KAT6B: variants seen among roughly 807,000 people sequenced by gnomAD.
KAT6B encodes the protein histone acetyltransferase KAT6B.
In KAT6B, 10 loss-of-function variants were observed where a neutral mutation model predicts 187.5. The observed-to-expected ratio is 0.05, with a 90% CI of 0.03 to 0.09. The LOEUF (loss-of-function observed/expected upper bound fraction) is 0.09. Ranked by LOEUF, KAT6B falls within the 10% of genes least tolerant of loss-of-function variation. KAT6B has a pLI of 1.00. For synonymous variants in KAT6B, 861 were observed against 926.8 expected (o/e 0.93, Z 1.29); for missense variants, 1,952 against 2,558.9 (o/e 0.76, Z 5.12).
chr10:74,926,288 T>C (rs1848498942), intron 3 of KAT6B, among the ~76,000 whole-genome samples: 1 of 152,186 alleles, frequency 6.6e-6, no homozygotes, highest in Non-Finnish European at 1.5e-5. Context: ...ACCCCGTCTC[T>C]ACTAAAAATA....
At chr10:74,880,655 G>A (rs567793152) in intron 3 of KAT6B, among the ~76,000 whole-genome samples, 3 of 152,050 alleles carry the variant, frequency 2.0e-5, no homozygotes, top group East Asian at 1.9e-4. Context: ...TTGGTCTGTC[G>A]CCTGGGCTGA....
At chr10:74,829,456 G>GTTT (rs370039190) in intron 1 of KAT6B, among the ~76,000 whole-genome samples, 3 of 140,052 alleles carry the variant, frequency 2.1e-5, no homozygotes, top group Admixed American at 7.1e-5. Context: ...AAAGGAAATA[G>GTTT]TTTTTTTTTT....
chr10:74,943,882 A>C (rs1168750649), intron 3 of KAT6B, among the ~76,000 whole-genome samples: 1 of 152,230 alleles, frequency 6.6e-6, no homozygotes, highest in Admixed American at 6.5e-5. Context: ...CAACACTTAT[A>C]TCTTATGTGT....
At chr10:74,828,905 G>T (rs1424910034) in intron 1 of KAT6B, among the ~76,000 whole-genome samples, 1 of 151,808 alleles carries the variant, frequency 6.6e-6, no homozygotes, top group Admixed American at 6.6e-5. Flanking sequence ...AATGAATTTG[G>T]ACAGTATTTT....
At chr10:74,909,029 C>T (rs1470503378) in intron 3 of KAT6B, among the ~76,000 whole-genome samples, 3 of 152,128 alleles carry the variant, frequency 2.0e-5, no homozygotes, top group Non-Finnish European at 2.9e-5. Flanking sequence ...CCACTGGGGA[C>T]ATGAGAAATC....
intron 3 of KAT6B, among the ~76,000 whole-genome samples, chr10:74,951,101 CCTT>C (rs1156408827): frequency 2.0e-5 from 3 of 151,524 alleles, no homozygotes; most frequent in Non-Finnish European, 4.4e-5. Flanking sequence ...TACTTGGCTT[CCTT>C]CTTTTTCTTT....
At chr10:74,951,819 A>G (rs1840340268) in intron 3 of KAT6B, among the ~76,000 whole-genome samples, 2 of 152,242 alleles carry the variant, frequency 1.3e-5, no homozygotes, top group South Asian at 4.1e-4. Context: ...GAGGATATAC[A>G]TGAAAATAAA....
In KAT6B at chr10:74,999,302, G is replaced by A. The variant is rs575454309; in HGVS notation, c.2629+10190G>A. On this transcript the variant is annotated intron_variant, in intron 13 of 17. Transcript: ENST00000287239. ...CAGCTTTATGTAGCTTTCACTGTGC[G>A]TTTGGATGTCTACGTGCACTTTGCA... 3.9e-4 allele frequency among the ~76,000 whole-genome samples: 60 copies of A among 152,344 alleles called. 2 individuals carry two copies. In the East Asian group the frequency reaches 7.5e-3, roughly 19 times the overall value.
chr10:74,988,629 A>G (rs1292978262), intron 12 of KAT6B, among the ~76,000 whole-genome samples: 1 of 152,224 alleles, frequency 6.6e-6, no homozygotes, highest in Non-Finnish European at 1.5e-5. Context: ...ATATTTAGCA[A>G]GATAGCCAGC....
intron 3 of KAT6B, among the ~76,000 whole-genome samples, chr10:74,856,261 A>C (rs1198863031): frequency 6.6e-6 from 1 of 151,836 alleles, no homozygotes; most frequent in African/African-American, 2.4e-5. Context: ...AACTTTTTTT[A>C]TTTTTAGTAG....
At chr10:74,965,829 C>G (rs1484001823) in intron 4 of KAT6B, among the ~76,000 whole-genome samples, 5 of 151,628 alleles carry the variant, frequency 3.3e-5, no homozygotes. Context: ...GGGTTCACGC[C>G]ATTCTTCCAC....
intron 1 of KAT6B, among the ~76,000 whole-genome samples, chr10:74,831,333 T>G (rs181883056): frequency 2.5e-4 from 38 of 152,304 alleles, no homozygotes; most frequent in African/African-American, 9.1e-4. Context: ...GAGTCAAATT[T>G]ATTGGTCTTT....
At position 75,021,909 on chromosome 10, in the gene KAT6B, G is replaced by A. The variant is rs761831492; in HGVS notation, c.3050G>A (p.Cys1017Tyr). 1.2e-6 allele frequency: 2 copies of A among 1,614,094 alleles called. No individual in the cohort carries two copies. Among genetic ancestry groups the A allele is most frequent in the East Asian group, 2.2e-5 (1 of 44,904 alleles). The change falls in exon 16 of 18, where the codon TGC (cysteine) becomes TAC (tyrosine). Residue 1017 changes from cysteine to tyrosine, a missense_variant. Around this residue, in one of 9 missense-constraint regions of KAT6B, gnomAD observed 758 missense variants for 891.4 expected, o/e 0.85. Coordinates refer to ENST00000287239, the MANE Select transcript of KAT6B (RefSeq NM_012330.4). ...GAGCGGCTAATGGAACAAGCTAGCT[G>A]CTGGGAGAAGGAGGAACAAGAAATC... ...EAERLMEQAS[C>Y]WEKEEQEILS...
intron 3 of KAT6B, among the ~76,000 whole-genome samples, chr10:74,957,001 T>C (rs1840735112): frequency 6.6e-6 from 1 of 152,218 alleles, no homozygotes; most frequent in Admixed American, 6.5e-5. Flanking sequence ...TCAGACATCT[T>C]AAATATAACT....
chr10:74,931,981 G>A (rs1848915269), intron 3 of KAT6B, among the ~76,000 whole-genome samples: 1 of 152,208 alleles, frequency 6.6e-6, no homozygotes, highest in South Asian at 2.1e-4. Context: ...CAAAGTGCTG[G>A]GATTACAGGC....
chr10:75,007,318 C>G (rs1036917829), intron 13 of KAT6B, among the ~76,000 whole-genome samples: 5 of 152,006 alleles, frequency 3.3e-5, no homozygotes, highest in African/African-American at 9.7e-5. Flanking sequence ...GAGGAGCATA[C>G]TGAGCTGCAG....
intron 13 of KAT6B, among the ~76,000 whole-genome samples, chr10:75,004,880 AGG>A (rs1330406188): frequency 6.8e-6 from 1 of 147,786 alleles, no homozygotes; most frequent in Non-Finnish European, 1.5e-5. Context: ...TTTCAGGGGG[AGG>A]GGTGGGGGGT....
intron 13 of KAT6B, among the ~76,000 whole-genome samples, chr10:75,005,114 A>G (rs1357122432): frequency 6.6e-6 from 1 of 152,276 alleles, no homozygotes; most frequent in East Asian, 1.9e-4. Flanking sequence ...CCTTGAACAT[A>G]TATTCCAGCT....
Position 75,030,179 on chromosome 10 carries a change from C to T in KAT6B, c.5355C>T (p.Pro1785=), listed in dbSNP as rs138711901. 4.3e-5 allele frequency: 70 copies of T among 1,614,238 alleles called. 1 individual carries two copies. In the African/African-American group the frequency reaches 7.1e-4, roughly 16 times the overall value. ...CACCCATGCAGCTGGCTGAAATCCC[C>T]GAGACGAGCAACGCCAACATTGGCT... ...FTPPMQLAEI[P]ETSNANIGLY... The change falls in exon 18 of 18, where the codon CCC becomes CCT. Residue 1785 remains proline (P), a synonymous_variant. Transcript: ENST00000287239. The surrounding 1 kb of genome is among the most constrained non-coding windows in gnomAD (Gnocchi z 4.8).
Sources: gnomAD v4.1 joint callset for allele counts (sites outside exome capture counted in the v4.1 genomes callset) on GRCh38, gnomAD v4.1.1 for gene constraint, gnomAD v4.1.1 regional missense constraint, Gnocchi (gnomAD v3.1) non-coding constraint, MANE v1.5 for transcripts, NCBI Gene and HGNC (gene_info 2026-07-23, HGNC 2026-07-21) for gene names.